Variants in ELF1 observed in about 807,000 individuals in gnomAD.
The protein encoded by ELF1 is ETS-related transcription factor Elf-1.
ELF1 carries 24 observed loss-of-function variants against 59.9 expected under a neutral mutation model. The observed-to-expected ratio is 0.40, with a 90% CI of 0.29 to 0.56. The LOEUF (loss-of-function observed/expected upper bound fraction) is 0.56, where lower values mean the gene tolerates loss of function less well. Among genes scored for constraint, ELF1 ranks in the 20% least tolerant of loss-of-function variants. The probability of loss-of-function intolerance (pLI) is 0.44; values close to 1 mark genes in which losing one functional copy is unlikely to be tolerated. For missense variants in ELF1, 627 were observed against 742.2 expected, an observed-to-expected ratio of 0.84 and a Z score of 1.80; for synonymous variants, 248 against 266.2, an observed-to-expected ratio of 0.93 and a Z score of 0.67.
intron 1 of ELF1, among the ~76,000 whole-genome samples, chr13:41,005,567 T>C (rs2138347226): frequency 6.6e-6 from 1 of 152,102 alleles, no homozygotes; most frequent in South Asian, 2.1e-4. Flanking sequence ...TTACCATGGC[T>C]TCTTATCAGC....
intron 1 of ELF1, among the ~76,000 whole-genome samples, chr13:41,032,871 C>G (rs1373955364): frequency 6.7e-6 from 1 of 148,892 alleles, no homozygotes; most frequent in Non-Finnish European, 1.5e-5. Flanking sequence ...AAAAACAAAC[C>G]AAAGAAAAAA....
intron 3 of ELF1, among the ~76,000 whole-genome samples, chr13:40,957,662 G>A (rs1243300222): frequency 6.6e-6 from 1 of 152,064 alleles, no homozygotes; most frequent in East Asian, 1.9e-4. Flanking sequence ...CATGCTTCCT[G>A]TACAGCCTGC....
intron 1 of ELF1, among the ~76,000 whole-genome samples, chr13:40,987,182 C>T (rs1430447905): frequency 6.7e-6 from 1 of 150,348 alleles, no homozygotes; most frequent in Admixed American, 6.6e-5. Context: ...GTGATCCACC[C>T]GCCTCGGCCT....
At chr13:41,001,445 C>T (rs1438150916) in intron 1 of ELF1, among the ~76,000 whole-genome samples, 1 of 152,096 alleles carries the variant, frequency 6.6e-6, no homozygotes, top group Admixed American at 6.6e-5. Flanking sequence ...AAGAGAACCA[C>T]ATCCATATTT....
At chr13:41,050,948 T>G (rs888177689) in intron 1 of ELF1, among the ~76,000 whole-genome samples, 2 of 152,216 alleles carry the variant, frequency 1.3e-5, no homozygotes, top group African/African-American at 4.8e-5. Flanking sequence ...AGTTTCAGTT[T>G]CTTCACATCC....
At chr13:40,988,465 C>A (rs1347236171) in intron 1 of ELF1, among the ~76,000 whole-genome samples, 1 of 152,268 alleles carries the variant, frequency 6.6e-6, no homozygotes, top group East Asian at 1.9e-4. Flanking sequence ...AAATACCTAG[C>A]AAAAGTACCT....
intron 1 of ELF1, among the ~76,000 whole-genome samples, chr13:41,003,479 A>G (rs1237771591): frequency 7.1e-6 from 1 of 140,142 alleles, no homozygotes; most frequent in African/African-American, 2.8e-5. Context: ...TTGGCTGGAA[A>G]AACTGTTAAT....
intron 1 of ELF1, among the ~76,000 whole-genome samples, chr13:41,036,844 T>C (rs1012090303): frequency 1.1e-4 from 16 of 151,730 alleles, no homozygotes; most frequent in African/African-American, 3.9e-4. Context: ...CTCAGCAAAC[T>C]ATTGCAAGGA....
chr13:40,994,702 G>C (rs143807860), intron 1 of ELF1, among the ~76,000 whole-genome samples: 185 of 152,250 alleles, frequency 1.2e-3, no homozygotes, highest in Middle Eastern at 6.8e-3. Context: ...TTTTAATTCT[G>C]TTCATTAAAA....
At chr13:41,030,404 T>A (rs957187387) in intron 1 of ELF1, among the ~76,000 whole-genome samples, 7 of 152,008 alleles carry the variant, frequency 4.6e-5, no homozygotes, top group African/African-American at 1.7e-4. Flanking sequence ...AAAACCCTGA[T>A]TAGGTAAAGT....
intron 1 of ELF1, among the ~76,000 whole-genome samples, chr13:41,047,775 T>A (rs1876920172): frequency 6.6e-6 from 1 of 152,178 alleles, no homozygotes; most frequent in Non-Finnish European, 1.5e-5. Flanking sequence ...TCAAACTCTG[T>A]GCTGGGAAAA....
At chr13:41,043,893 T>C (rs992541567) in intron 1 of ELF1, among the ~76,000 whole-genome samples, 1 of 152,218 alleles carries the variant, frequency 6.6e-6, no homozygotes, top group Non-Finnish European at 1.5e-5. Context: ...TTGGGCAGTA[T>C]GGCCATTTTT....
chr13:40,943,084 G>A lies in ELF1; in HGVS notation c.674C>T (p.Pro225Leu). 3 of 1,609,426 alleles carry A rather than the reference G, an allele frequency of 1.9e-6. No individual in the cohort carries two copies. The highest frequency in any genetic ancestry group is 2.5e-6 in the Non-Finnish European group (3 of 1,177,268). The change falls in exon 7 of 9, where the codon CCT becomes CTT. Residue 225 changes from proline to leucine, a missense_variant. Transcript: ENST00000239882. The stretch of plus-strand genomic sequence containing the variant: ...TCGCTGGGTCCACTTGATGTATTTA[G>A]GACAAGTAGCCTTGTCCTGGAGCAG... ...LALLQDKATCPKYIKWTQREK... is the reference protein window; with the variant it reads ...LALLQDKATCLKYIKWTQREK...
At chr13:41,008,764 T>C (rs942387670) in intron 1 of ELF1, among the ~76,000 whole-genome samples, 5 of 152,150 alleles carry the variant, frequency 3.3e-5, no homozygotes, top group African/African-American at 7.2e-5. Context: ...TTAAAATACA[T>C]CTACTTTTTG....
At chr13:40,987,097 GGC>G (rs2138288778) in intron 1 of ELF1, among the ~76,000 whole-genome samples, 1 of 150,136 alleles carries the variant, frequency 6.7e-6, no homozygotes, top group South Asian at 2.1e-4. Flanking sequence ...CACCACGCCC[GGC>G]TAATTTTTTG....
chr13:40,933,624 G>A lies in ELF1; in HGVS notation c.1661C>T (p.Thr554Ile), dbSNP rs1221326485. The change falls in exon 9 of 9, where the codon ACT (threonine) becomes ATT (isoleucine). Residue 554 changes from threonine (T) to isoleucine (I), a missense_variant. Around this residue, in one of 3 missense-constraint regions of ELF1, gnomAD observed 361 missense variants for 396.1 expected, o/e 0.91. Coordinates refer to ENST00000239882, the MANE Select transcript of ELF1 (RefSeq NM_172373.4). The stretch of plus-strand genomic sequence containing the variant: ...TGTTTCTTGAGTTTTGATAACTGAA[G>A]TGATTACAGTGCCAGGTGGGTGAGC... Reference protein sequence around the residue: ...LVAHPPGTVITSVIKTQETKT... With the variant: ...LVAHPPGTVIISVIKTQETKT... 1 of 1,614,194 alleles carries A rather than the reference G, an allele frequency of 6.2e-7. No homozygotes were observed. The highest frequency in any genetic ancestry group is 8.5e-7 in the Non-Finnish European group (1 of 1,180,034).
At chr13:41,018,798 A>C (rs1181778323) in intron 1 of ELF1, among the ~76,000 whole-genome samples, 1 of 152,176 alleles carries the variant, frequency 6.6e-6, no homozygotes, top group Non-Finnish European at 1.5e-5. Flanking sequence ...TAAAATGCCA[A>C]AACAAAGCCA....
intron 1 of ELF1, among the ~76,000 whole-genome samples, chr13:41,053,733 G>C (rs1184492180): frequency 1.3e-5 from 2 of 152,212 alleles, no homozygotes; most frequent in Non-Finnish European, 1.5e-5. Flanking sequence ...CATTTCCTGA[G>C]TTGCAGTGAG....
chr13:40,942,877 C>A (rs1870267170), intron 7 of ELF1, 75 bp downstream of exon 7: 2 of 1,398,574 alleles, frequency 1.4e-6, no homozygotes, highest in African/African-American at 2.9e-5. Context: ...CTTTGCTGAA[C>A]TTAAGCTTAG....
Sources: gnomAD v4.1 joint callset for allele counts (sites outside exome capture counted in the v4.1 genomes callset) on GRCh38, gnomAD v4.1.1 for gene constraint, gnomAD v4.1.1 regional missense constraint, MANE v1.5 for transcripts, NCBI Gene and HGNC (gene_info 2026-07-23, HGNC 2026-07-21) for gene names.